VAT1L: variants seen among roughly 807,000 people sequenced by gnomAD.
VAT1L encodes the protein putative NADPH-dependent quinone oxidoreductase VAT1L.
Under a neutral mutation model 44.1 loss-of-function variants are expected in VAT1L, and 34 were observed. The ratio of observed to expected loss-of-function variants is 0.77; its 90% confidence interval spans 0.59 to 1.03. The LOEUF is 1.03. VAT1L is among the 50% of genes least tolerant of loss of function. VAT1L has a pLI of 0.00. For missense variants in VAT1L, 615 were observed against 538.8 expected (o/e 1.14, Z -1.40); for synonymous variants, 253 against 202.2 (o/e 1.25, Z -2.13).
At chr16:77,907,338 C>T (rs921192582) in intron 7 of VAT1L, among the ~76,000 whole-genome samples, 35 of 152,306 alleles carry the variant, frequency 2.3e-4, no homozygotes, top group African/African-American at 8.4e-4. Context: ...TTGCTGGTCT[C>T]CTGTGTGCAG....
At chr16:77,830,643 G>A (rs1422123035) in intron 3 of VAT1L, among the ~76,000 whole-genome samples, 4 of 152,150 alleles carry the variant, frequency 2.6e-5, no homozygotes, top group Admixed American at 1.3e-4. Context: ...CCATGATTAG[G>A]AGGCCTCCCA....
intron 7 of VAT1L, among the ~76,000 whole-genome samples, chr16:77,903,051 T>C (rs2017401639): frequency 6.6e-6 from 1 of 151,098 alleles, no homozygotes; most frequent in South Asian, 2.1e-4. Context: ...TAGTAGATAA[T>C]ACTTTTAATG....
rs1228438203 is a variant in VAT1L, at chr16:77,862,864, T to C, written c.696T>C (p.Asn232=). The change falls in exon 4 of 9, where the codon AAT becomes AAC. Residue 232 remains asparagine (N), a synonymous_variant. Coordinates refer to ENST00000302536, the MANE Select transcript of VAT1L (RefSeq NM_020927.3). ...CTGTGACCCACCTCTTTGACAGAAATGCAGACTACGTGCAAGAAGTTAAAA... is the reference window on the plus strand; with the variant it reads ...CTGTGACCCACCTCTTTGACAGAAACGCAGACTACGTGCAAGAAGTTAAAA... ...KDSVTHLFDR[N]ADYVQEVKRI... 2 of 1,613,884 alleles carry C rather than the reference T, an allele frequency of 1.2e-6. No homozygotes were observed. Among genetic ancestry groups the C allele is most frequent in the African/African-American group, 1.3e-5 (1 of 74,904 alleles).
At chr16:77,893,113 C>G (rs772561969) in intron 7 of VAT1L, among the ~76,000 whole-genome samples, 28 of 152,104 alleles carry the variant, frequency 1.8e-4, no homozygotes, top group African/African-American at 6.0e-4. Flanking sequence ...GAAATAAAAA[C>G]TAAATAACAA....
At position 77,879,463 on chromosome 16, in the gene VAT1L, G is replaced by A. The variant is rs2017126147; in HGVS notation, c.882+239G>A. Among the ~76,000 whole-genome samples, 1 of 152,042 alleles carries A rather than the reference G, an allele frequency of 6.6e-6. No individual in the cohort carries two copies. Among genetic ancestry groups the A allele is most frequent in the African/African-American group, 2.4e-5 (1 of 41,422 alleles). ...GCGCCACCATACCCAGCTAATTTTT[G>A]TATTTGTAGTAGAGACGGGGTTTCA... is the stretch of plus-strand genomic sequence containing the variant. On this transcript the variant is annotated intron_variant, in intron 6 of 8. Coordinates refer to ENST00000302536, the MANE Select transcript of VAT1L (RefSeq NM_020927.3). The surrounding 1 kb of genome is among the most constrained non-coding windows in gnomAD (Gnocchi z 4.1).
chr16:77,948,097 T>G (rs1443683973), intron 7 of VAT1L, among the ~76,000 whole-genome samples: 1 of 152,154 alleles, frequency 6.6e-6, no homozygotes, highest in Non-Finnish European at 1.5e-5. Context: ...AAGTAGTTCT[T>G]CTCTAAACTG....
chr16:77,960,327 G>A (rs1024942450), intron 7 of VAT1L, among the ~76,000 whole-genome samples: 1 of 152,132 alleles, frequency 6.6e-6, no homozygotes, highest in African/African-American at 2.4e-5. Context: ...TACCCTGGCA[G>A]GAAGCAAGCA....
At chr16:77,794,341 C>T (rs1368316443) in intron 1 of VAT1L, among the ~76,000 whole-genome samples, 1 of 152,228 alleles carries the variant, frequency 6.6e-6, no homozygotes, top group Non-Finnish European at 1.5e-5. Flanking sequence ...TTCATCTACA[C>T]TTGTGAGATA....
intron 4 of VAT1L, among the ~76,000 whole-genome samples, chr16:77,866,511 A>C (rs1829862209): frequency 6.6e-6 from 1 of 152,102 alleles, no homozygotes; most frequent in Non-Finnish European, 1.5e-5. Context: ...GGAAAGGGAA[A>C]ATATCCAACT....
chr16:77,845,877 A>C (rs905361314), intron 3 of VAT1L, among the ~76,000 whole-genome samples: 8 of 152,242 alleles, frequency 5.3e-5, no homozygotes, highest in Admixed American at 4.6e-4. Flanking sequence ...CTATCTGTGC[A>C]TTCATCCATC....
chr16:77,811,138 T>C (rs1270828755), intron 1 of VAT1L, among the ~76,000 whole-genome samples: 1 of 152,142 alleles, frequency 6.6e-6, no homozygotes, highest in Non-Finnish European at 1.5e-5. Context: ...ATTTTCATGA[T>C]TGATGCTGAG....
At chr16:77,976,636 A>T (rs1444365679) in intron 8 of VAT1L, among the ~76,000 whole-genome samples, 4 of 152,182 alleles carry the variant, frequency 2.6e-5, no homozygotes, top group Non-Finnish European at 5.9e-5. Flanking sequence ...CATGTAGGGG[A>T]TGTTAATGGA....
At chr16:77,908,425 C>G (rs1314703432) in intron 7 of VAT1L, among the ~76,000 whole-genome samples, 1 of 131,916 alleles carries the variant, frequency 7.6e-6, no homozygotes, top group Non-Finnish European at 1.6e-5. Context: ...GATAGCGCCA[C>G]TGCCCTCCAG....
chr16:77,890,133 G>T (rs1322805832), intron 7 of VAT1L, among the ~76,000 whole-genome samples: 1 of 151,998 alleles, frequency 6.6e-6, no homozygotes. Flanking sequence ...AGATGAGGTG[G>T]GGCTTGCTTG....
intron 7 of VAT1L, among the ~76,000 whole-genome samples, chr16:77,918,652 A>G (rs143804806): frequency 6.6e-6 from 1 of 152,138 alleles, no homozygotes; most frequent in Non-Finnish European, 1.5e-5. Flanking sequence ...CCATCTTCCA[A>G]TTGGTTCTCA....
intron 7 of VAT1L, among the ~76,000 whole-genome samples, chr16:77,890,534 G>A (rs186810600): frequency 6.6e-6 from 1 of 152,308 alleles, no homozygotes; most frequent in East Asian, 1.9e-4. Context: ...AGATACAGCT[G>A]TGGTCTCTGA....
At chr16:77,976,218 C>A (rs1192059868) in intron 8 of VAT1L, among the ~76,000 whole-genome samples, 1 of 152,172 alleles carries the variant, frequency 6.6e-6, no homozygotes, top group Admixed American at 6.5e-5. Context: ...TGGACATTGG[C>A]CAATGAGCCA....
At chr16:77,935,000 G>A (rs1168757238) in intron 7 of VAT1L, among the ~76,000 whole-genome samples, 1 of 151,980 alleles carries the variant, frequency 6.6e-6, no homozygotes, top group Non-Finnish European at 1.5e-5. Flanking sequence ...TGAGTATAGG[G>A]GGGATAAAAA....
At chr16:77,913,009 C>T (rs1047138888) in intron 7 of VAT1L, among the ~76,000 whole-genome samples, 1 of 152,164 alleles carries the variant, frequency 6.6e-6, no homozygotes, top group Non-Finnish European at 1.5e-5. Flanking sequence ...GGCCTCACCC[C>T]CTAATACCAT....
Sources: allele counts gnomAD v4.1 joint callset (sites outside exome capture counted in the v4.1 genomes callset), GRCh38; gene constraint gnomAD v4.1.1; non-coding constraint Gnocchi (gnomAD v3.1); transcripts MANE v1.5; gene names NCBI Gene and HGNC (gene_info 2026-07-23, HGNC 2026-07-21).